Variants in VWA3A observed in about 807,000 individuals in gnomAD.
The protein encoded by VWA3A is von Willebrand factor A domain-containing protein 3A.
In VWA3A, 134 loss-of-function variants were observed where a neutral mutation model predicts 160.4. The observed-to-expected ratio is 0.84, with a 90% confidence interval of 0.73 to 0.96. The LOEUF is 0.96. Among genes scored for constraint, VWA3A ranks in the 40% least tolerant of loss-of-function variants. VWA3A has a pLI of 0.00. For synonymous variants in VWA3A, 476 were observed against 543.4 expected, an observed-to-expected ratio of 0.88 and a Z score of 1.72; for missense variants, 1,310 against 1,447.9, an observed-to-expected ratio of 0.90 and a Z score of 1.55.
At chr16:22,124,254 T>C (rs2045801610) in intron 16 of VWA3A, among the ~76,000 whole-genome samples, 1 of 143,498 alleles carries the variant, frequency 7.0e-6, no homozygotes, top group African/African-American at 2.6e-5. Flanking sequence ...CATGGATGAA[T>C]AGATCCTCCC....
chr16:22,141,171 T>G, intron 23 of VWA3A: 1 of 460,596 alleles, frequency 2.2e-6, no homozygotes, highest in Non-Finnish European at 4.3e-6. Flanking sequence ...TCGTAGAACC[T>G]AAGACCATGT....
intron 6 of VWA3A, among the ~76,000 whole-genome samples, chr16:22,106,695 G>A (rs2045486691): frequency 6.6e-6 from 1 of 152,200 alleles, no homozygotes; most frequent in South Asian, 2.1e-4. Context: ...AATAAAGCAG[G>A]GGAGTGACCT....
Position 22,109,525 on chromosome 16 carries a change from ATG to A in VWA3A, c.531_532del (p.Ala179HisfsTer20). 1.2e-6 allele frequency: 2 copies of A among 1,613,076 alleles called. No homozygotes were observed. Among genetic ancestry groups the A allele is most frequent in the Non-Finnish European group, 1.7e-6 (2 of 1,179,634 alleles). On this transcript the variant is annotated frameshift_variant, in exon 7 of 34. Coordinates refer to ENST00000389398, the MANE Select transcript of VWA3A (RefSeq NM_173615.5). LOFTEE classifies it high-confidence loss of function. ...GGGGCCAGAGTCAGCATCCTCATAG[ATG>A]TGTCAGCCATCAGCAGTGGCCCTCA...
chr16:22,123,987 C>A (rs111903252), intron 16 of VWA3A, among the ~76,000 whole-genome samples: 9 of 152,006 alleles, frequency 5.9e-5, no homozygotes, highest in African/African-American at 2.2e-4. Context: ...CCAGACTGGG[C>A]AACATAGTGA....
intron 22 of VWA3A, 56 bp downstream of exon 22, chr16:22,138,568 G>C: frequency 1.2e-6 from 2 of 1,605,130 alleles, no homozygotes; most frequent in Non-Finnish European, 1.7e-6. Flanking sequence ...TTGTCTTCTG[G>C]TCTTTCCTGG....
intron 21 of VWA3A, 55 bp from the exon 22 acceptor site, chr16:22,138,305 G>GTGTA: frequency 6.5e-7 from 1 of 1,531,706 alleles, no homozygotes; most frequent in Non-Finnish European, 8.8e-7. Context: ...GTGTGTGTGT[G>GTGTA]TGTGTGTGTC....
chr16:22,096,514 G>A (rs1209618898), intron 1 of VWA3A, among the ~76,000 whole-genome samples: 1 of 152,138 alleles, frequency 6.6e-6, no homozygotes, highest in African/African-American at 2.4e-5. Flanking sequence ...CCCAGCCTAG[G>A]TGGGAGGATC....
chr16:22,137,099 A>ATAAG (rs1251501813), intron 21 of VWA3A, among the ~76,000 whole-genome samples: 2,971 of 135,252 alleles, frequency 0.022, 98 homozygotes, highest in African/African-American at 0.079. Flanking sequence ...AAATAAATAA[A>ATAAG]TAAGTAAGTA....
rs187665722 is a variant in VWA3A, at chr16:22,146,315, A to G, written c.2810A>G (p.Tyr937Cys). 55 of 1,613,474 alleles carry G rather than the reference A, an allele frequency of 3.4e-5. No individual in the cohort carries two copies. In the African/African-American group the frequency reaches 7.2e-4, roughly 21 times the overall value. ...IRHLEKVLRR[Y>C]VQRLQWLLSG... ...CACTTGGAGAAGGTGTTAAGGCGCT[A>G]TGTCCAGAGGCTGCAGTGGCTGCTG... Residue 937 changes from tyrosine to cysteine, a missense_variant, in exon 27 of 34, where the codon TAT becomes TGT. Coordinates refer to ENST00000389398, the MANE Select transcript of VWA3A (RefSeq NM_173615.5).
At position 22,140,220 on chromosome 16, in the gene VWA3A, A is replaced by G. The variant is rs1381985149; in HGVS notation, c.2359A>G (p.Ser787Gly). 6.2e-7 allele frequency: 1 copy of G among 1,613,742 alleles called. No individual in the cohort carries two copies. The highest frequency in any genetic ancestry group is 8.5e-7 in the Non-Finnish European group (1 of 1,179,766). The change falls in exon 23 of 34, where the codon AGT becomes GGT. Residue 787 changes from serine (S) to glycine (G), a missense_variant. Ser to Gly is a moderately conservative substitution (Grantham distance 56). Coordinates refer to ENST00000389398, the MANE Select transcript of VWA3A (RefSeq NM_173615.5). ...PLKSLKWRPL[S>G]SRVGISPAAA... The stretch of plus-strand genomic sequence containing the variant: ...GAAATCTCTGAAATGGCGTCCACTC[A>G]GTAGCAGAGTTGGCATCTCACCAGG...
Position 22,131,239 on chromosome 16 carries a change from A to G in VWA3A, c.1687A>G (p.Met563Val), listed in dbSNP as rs761641936. The change falls in exon 18 of 34, where the codon ATG becomes GTG. Residue 563 changes from methionine to valine, a missense_variant. By Grantham distance (21) the Met-to-Val change is conservative. Coordinates refer to ENST00000389398, the MANE Select transcript of VWA3A (RefSeq NM_173615.5). ...CACAATTGAAAGCTGGAGGCCTGAG[A>G]TGGTTCCCGTGAGTCACAACAATTT... ...GSTIESWRPEMVPVSHNNLQS... is the reference protein window; with the variant it reads ...GSTIESWRPEVVPVSHNNLQS... The G allele has an allele frequency of 3.0e-5, 48 of 1,613,896 alleles. No individual in the cohort carries two copies. Among genetic ancestry groups the G allele is most frequent in the Non-Finnish European group, 5.1e-6 (6 of 1,179,908 alleles).
chr16:22,137,145 G>A (rs2141980480), intron 21 of VWA3A, among the ~76,000 whole-genome samples: 1 of 152,182 alleles, frequency 6.6e-6, no homozygotes, highest in Non-Finnish European at 1.5e-5. Context: ...GGTGCACATA[G>A]TCCCATTCCC....
chr16:22,097,231 C>T (rs376010865), intron 2 of VWA3A, among the ~76,000 whole-genome samples: 7 of 152,124 alleles, frequency 4.6e-5, no homozygotes. Flanking sequence ...TCCCAAAGTG[C>T]TGGGATTACA....
At chr16:22,126,507 G>C (rs1482045227) in intron 17 of VWA3A, among the ~76,000 whole-genome samples, 1 of 152,080 alleles carries the variant, frequency 6.6e-6, no homozygotes, top group African/African-American at 2.4e-5. Flanking sequence ...CTGGGGCGAA[G>C]GTGGTAAGTG....
intron 5 of VWA3A, 74 bp from the exon 6 acceptor site, chr16:22,103,401 T>G: frequency 7.4e-7 from 1 of 1,354,368 alleles, no homozygotes; most frequent in Non-Finnish European, 1.0e-6. Flanking sequence ...ATACCTGCCT[T>G]TTGTGTATGT....
intron 2 of VWA3A, 113 bp downstream of exon 2, chr16:22,097,058 C>T (rs964711216): frequency 4.2e-5 from 28 of 663,090 alleles, no homozygotes; most frequent in East Asian, 5.8e-5. Context: ...CTCTGCCCTC[C>T]GGGTTCATGC....
chr16:22,144,417 T>C (rs1252458823), intron 26 of VWA3A, 33 bp downstream of exon 26: 19 of 1,608,734 alleles, frequency 1.2e-5, no homozygotes, highest in Admixed American at 1.7e-5. Flanking sequence ...GTCTTTTTTT[T>C]CTCCCCCAAC....
chr16:22,148,327 A>G (rs1352883808), intron 28 of VWA3A, 21 bp downstream of exon 28: 2 of 1,579,338 alleles, frequency 1.3e-6, no homozygotes, highest in Non-Finnish European at 8.6e-7. Context: ...AGGGCTGATC[A>G]GGAAGATCAA....
intron 17 of VWA3A, among the ~76,000 whole-genome samples, chr16:22,128,268 CA>C (rs1373946394): frequency 3.9e-5 from 6 of 152,084 alleles, no homozygotes; most frequent in Non-Finnish European, 8.8e-5. Context: ...AATGCTCAAG[CA>C]ATGCTGTGAA....
Sources: gnomAD v4.1 joint callset for allele counts (sites outside exome capture counted in the v4.1 genomes callset) on GRCh38, gnomAD v4.1.1 for gene constraint, MANE v1.5 for transcripts, NCBI Gene and HGNC (gene_info 2026-07-23, HGNC 2026-07-21) for gene names.